The following ZNF485 variants were observed in gnomAD, a reference collection of about 807,000 sequenced individuals.
ZNF485 encodes the protein zinc finger protein 485.
A neutral mutation model predicts 10.8 loss-of-function variants in ZNF485; 9 were observed. That is an observed-to-expected ratio of 0.83 (90% CI 0.50 to 1.45). The LOEUF is 1.45. ZNF485 is among the 40% of genes most tolerant of loss of function. The probability of loss-of-function intolerance (pLI) is 0.00; values close to 1 mark genes in which losing one functional copy is unlikely to be tolerated. For synonymous variants in ZNF485, 187 were observed against 181.0 expected, an observed-to-expected ratio of 1.03 and a Z score of -0.27; for missense variants, 487 against 528.0, an observed-to-expected ratio of 0.92 and a Z score of 0.76.
In ZNF485 at chr10:43,616,783, G is replaced by A. The variant is rs1235922444; in HGVS notation, c.740G>A (p.Cys247Tyr). 1 of 1,614,090 alleles carries A rather than the reference G, an allele frequency of 6.2e-7. No homozygotes were observed. Residue 247 changes from cysteine (C) to tyrosine (Y), a missense_variant, in exon 5 of 5, where the codon TGT becomes TAT. Transcript: ENST00000361807. ...TGQKPYKCND[C>Y]GKAFAQNAAL... ...CAGAAACCCTACAAATGTAATGACT[G>A]TGGGAAAGCCTTCGCTCAGAATGCA...
chr10:43,607,420 G>C (rs902786447), intron 2 of ZNF485: 1 of 353,466 alleles, frequency 2.8e-6, no homozygotes, highest in Non-Finnish European at 5.2e-6. Context: ...GGGTGGAGTA[G>C]TGGGCGCCTT....
chr10:43,607,309 G>A, intron 2 of ZNF485: 1 of 602,692 alleles, frequency 1.7e-6, no homozygotes, highest in Non-Finnish European at 2.9e-6. Flanking sequence ...CAAACTGGCA[G>A]ACGATGAAAA....
chr10:43,611,239 A>AT (rs982466528), intron 4 of ZNF485, among the ~76,000 whole-genome samples: 29 of 150,968 alleles, frequency 1.9e-4, no homozygotes, highest in Middle Eastern at 6.8e-3. Flanking sequence ...TTATTTTTAA[A>AT]TTTTTTTTTG....
At chr10:43,609,000 C>A (rs1182795680) in intron 3 of ZNF485, among the ~76,000 whole-genome samples, 1 of 152,110 alleles carries the variant, frequency 6.6e-6, no homozygotes, top group Non-Finnish European at 1.5e-5. Flanking sequence ...ATTCATCTGC[C>A]TCCCAAAATA....
intron 4 of ZNF485, among the ~76,000 whole-genome samples, chr10:43,614,414 G>T (rs1432259812): frequency 1.3e-5 from 2 of 152,068 alleles, no homozygotes; most frequent in Non-Finnish European, 2.9e-5. Flanking sequence ...TTCCTGAGTA[G>T]CTGGGACTAC....
intron 3 of ZNF485, 85 bp downstream of exon 3, chr10:43,608,825 A>T (rs1427549244): frequency 1.3e-6 from 2 of 1,527,272 alleles, no homozygotes; most frequent in Admixed American, 2.1e-5. Context: ...GGGTATTGAA[A>T]AAATCTTAAA....
chr10:43,612,551 CA>C (rs1838786138), intron 4 of ZNF485, among the ~76,000 whole-genome samples: 3 of 152,076 alleles, frequency 2.0e-5, no homozygotes, highest in South Asian at 4.1e-4. Flanking sequence ...CTGACTTGTC[CA>C]AATAGATTTT....
intron 4 of ZNF485, among the ~76,000 whole-genome samples, chr10:43,609,985 C>T (rs750248914): frequency 3.3e-5 from 5 of 152,178 alleles, no homozygotes; most frequent in African/African-American, 7.2e-5. Flanking sequence ...CACGTCTGGC[C>T]CATGTTCATT....
At chr10:43,609,961 C>T (rs939913729) in intron 4 of ZNF485, among the ~76,000 whole-genome samples, 6 of 152,204 alleles carry the variant, frequency 3.9e-5, no homozygotes, top group African/African-American at 1.4e-4. Context: ...GCTGGGATTA[C>T]AGGTGTGAGC....
chr10:43,614,076 G>A (rs1302741273), intron 4 of ZNF485, among the ~76,000 whole-genome samples: 1 of 152,042 alleles, frequency 6.6e-6, no homozygotes, highest in Admixed American at 6.6e-5. Context: ...TTAGCTGGGT[G>A]TGGTGGCACA....
rs376222952 is a variant in ZNF485 at position 43,617,190 on chromosome 10, C to G, written c.1147C>G (p.His383Asp). The G allele has an allele frequency of 3.7e-6, 6 of 1,614,178 alleles. No homozygotes were observed. The highest frequency in any genetic ancestry group is 2.2e-5 in the East Asian group (1 of 44,878). Reference protein sequence around the residue: ...QRIHTGEKPYHCKKCGKAFRH... With the variant: ...QRIHTGEKPYDCKKCGKAFRH... ...AATTCATACTGGAGAAAAACCCTAT[C>G]ACTGTAAGAAATGTGGGAAAGCCTT... The change falls in exon 5 of 5, where the codon CAC becomes GAC. Residue 383 changes from histidine (H) to aspartate (D), a missense_variant. Transcript: ENST00000361807.
At chr10:43,611,743 G>C (rs1486676864) in intron 4 of ZNF485, among the ~76,000 whole-genome samples, 2 of 152,096 alleles carry the variant, frequency 1.3e-5, no homozygotes, top group East Asian at 3.9e-4. Context: ...CTCTTATCAG[G>C]AGTGTGATTT....
intron 2 of ZNF485, among the ~76,000 whole-genome samples, chr10:43,608,015 G>A (rs1046635276): frequency 6.6e-6 from 1 of 152,158 alleles, no homozygotes; most frequent in Non-Finnish European, 1.5e-5. Flanking sequence ...CTGGTACATA[G>A]TAAGTTGTTA....
chr10:43,616,485 C>T lies in ZNF485; in HGVS notation c.442C>T (p.His148Tyr), dbSNP rs1368759816. The change falls in exon 5 of 5, where the codon CAC becomes TAC. Residue 148 changes from histidine (H) to tyrosine (Y), a missense_variant. Physicochemically the swap from His to Tyr is moderately conservative, Grantham distance 83. Coordinates refer to ENST00000361807, the MANE Select transcript of ZNF485 (RefSeq NM_145312.4). ...CAAATACAATTCGTCCTTTATTAGC[C>T]ACCAGAGAAATCACACCAGTGAGAA... Reference protein sequence around the residue: ...VFKYNSSFISHQRNHTSEKPH... With the variant: ...VFKYNSSFISYQRNHTSEKPH... 1.2e-6 allele frequency: 2 copies of T among 1,613,896 alleles called. No individual in the cohort carries two copies. The highest frequency in any genetic ancestry group is 2.7e-5 in the African/African-American group (2 of 74,894).
intron 4 of ZNF485, among the ~76,000 whole-genome samples, chr10:43,613,628 T>C (rs1838804858): frequency 6.6e-6 from 1 of 152,260 alleles, no homozygotes; most frequent in African/African-American, 2.4e-5. Flanking sequence ...TATATGGCAT[T>C]TTCCAGCTTT....
rs776539366 is a variant in ZNF485 at position 43,617,235 on chromosome 10, G to T, written c.1192G>T (p.Val398Phe). 6.2e-7 allele frequency: 1 copy of T among 1,614,146 alleles called. No homozygotes were observed. The highest frequency in any genetic ancestry group is 1.1e-5 in the South Asian group (1 of 91,076). ...AGCCTTTCGGCACAGCTCAGGCCTT[G>T]TTGAACATCAGAGACTCCATACTGG... ...GKAFRHSSGL[V>F]EHQRLHTGEK... is the part of the protein sequence containing the mutation. Residue 398 changes from valine (V) to phenylalanine (F), a missense_variant, in exon 5 of 5, where the codon GTT (valine) becomes TTT (phenylalanine). Val to Phe is a conservative substitution (Grantham distance 50). Coordinates refer to ENST00000361807, the MANE Select transcript of ZNF485 (RefSeq NM_145312.4).
intron 4 of ZNF485, 35 bp downstream of exon 4, chr10:43,609,385 GCA>G (rs769158508): frequency 6.4e-7 from 1 of 1,557,362 alleles, no homozygotes; most frequent in Non-Finnish European, 8.9e-7. Flanking sequence ...CAGAAGCTGA[GCA>G]CACGGAGCAG....
At position 43,617,168 on chromosome 10, in the gene ZNF485, T is replaced by C. The variant is rs755300074; in HGVS notation, c.1125T>C (p.Ile375=). ...CAACCCTTACTGGACATCAGAGAAT[T>C]CATACTGGAGAAAAACCCTATCACT... is the stretch of plus-strand genomic sequence containing the variant. ...KSSTLTGHQR[I]HTGEKPYHCK... The change falls in exon 5 of 5, where the codon ATT becomes ATC. Residue 375 remains isoleucine, a synonymous_variant. Coordinates refer to ENST00000361807, the MANE Select transcript of ZNF485 (RefSeq NM_145312.4). 4.3e-6 allele frequency: 7 copies of C among 1,614,048 alleles called. No individual in the cohort carries two copies. In the South Asian group the frequency reaches 5.5e-5, roughly 13 times the overall value.
chr10:43,611,847 CT>C (rs1432431890), intron 4 of ZNF485, among the ~76,000 whole-genome samples: 1 of 152,072 alleles, frequency 6.6e-6, no homozygotes, highest in Admixed American at 6.5e-5. Context: ...GATTGTTGGT[CT>C]TTTTATTGTC....
Sources: gnomAD v4.1 joint callset for allele counts (sites outside exome capture counted in the v4.1 genomes callset) on GRCh38, gnomAD v4.1.1 for gene constraint, MANE v1.5 for transcripts, NCBI Gene and HGNC (gene_info 2026-07-23, HGNC 2026-07-21) for gene names.